ARAP1: variants seen among roughly 807,000 people sequenced by gnomAD.
The protein encoded by ARAP1 is arf-GAP with Rho-GAP domain, ANK repeat and PH domain-containing protein 1.
Under a neutral mutation model 172.2 loss-of-function variants are expected in ARAP1, and 76 were observed. That is an observed-to-expected ratio of 0.44 (90% CI 0.37 to 0.53). The LOEUF is 0.53. Ranked by LOEUF, ARAP1 falls within the 20% of genes least tolerant of loss-of-function variation. The pLI is 0.00. For missense variants in ARAP1, 1,686 were observed against 1,977.5 expected, an observed-to-expected ratio of 0.85 and a Z score of 2.80; for synonymous variants, 804 against 803.3, an observed-to-expected ratio of 1.00 and a Z score of -0.01.
chr11:72,723,612 C>T (rs537521383), intron 3 of ARAP1, among the ~76,000 whole-genome samples: 9 of 152,286 alleles, frequency 5.9e-5, no homozygotes, highest in African/African-American at 1.4e-4. Context: ...GGAGCTGGGG[C>T]GGTGAGCTCA....
Position 72,712,558 on chromosome 11 carries a change from G to C in ARAP1, c.758C>G (p.Pro253Arg). 1.2e-6 allele frequency: 2 copies of C among 1,612,646 alleles called. No individual in the cohort carries two copies. The highest frequency in any genetic ancestry group is 1.7e-6 in the Non-Finnish European group (2 of 1,179,892). The change falls in exon 6 of 35, where the codon CCA (proline) becomes CGA (arginine). Residue 253 changes from proline to arginine, a missense_variant. Physicochemically the swap from Pro to Arg is moderately radical, Grantham distance 103. This residue lies in a region of ARAP1 where 155 missense variants were observed against 129.2 expected (regional missense o/e 1.20). Coordinates refer to ENST00000393609, the MANE Select transcript of ARAP1 (RefSeq NM_001040118.3). Reference sequence around the variant, plus strand: ...CACGGCCCGTGGGACTCGGCTCGGTGGGGGCTCCTCCTGCCCCCGAGACCC... The same window carrying C: ...CACGGCCCGTGGGACTCGGCTCGGTCGGGGCTCCTCCTGCCCCCGAGACCC... ...ARVMTKKEEPPPSRVPRAVRV... is the reference protein window; with the variant it reads ...ARVMTKKEEPRPSRVPRAVRV...
At position 72,711,204 on chromosome 11, in the gene ARAP1, C is replaced by A. The variant is rs969351806; in HGVS notation, c.1093-63G>T. The stretch of plus-strand genomic sequence containing the variant: ...ACCTCGCTGACTCCCCCAGCCTCAG[C>A]CAAAATGAAGTCTGCAGCCCTGTCT... On this transcript the variant is annotated intron_variant, in intron 8 of 34. Coordinates refer to ENST00000393609, the MANE Select transcript of ARAP1 (RefSeq NM_001040118.3). The A allele has an allele frequency of 4.6e-5, 74 of 1,598,246 alleles. No individual in the cohort carries two copies. In the African/African-American group the frequency reaches 5.9e-4, roughly 13 times the overall value.
chr11:72,699,235 T>A lies in ARAP1; in HGVS notation c.2439-128A>T. 1 of 1,377,170 alleles carries A rather than the reference T, an allele frequency of 7.3e-7. No individual in the cohort carries two copies. The highest frequency in any genetic ancestry group is 1.0e-6 in the Non-Finnish European group (1 of 997,662). 85.3% of individuals were successfully genotyped at this position (1,377,170 alleles called of 1,614,324 possible). On this transcript the variant is annotated intron_variant, in intron 17 of 34. Coordinates refer to ENST00000393609, the MANE Select transcript of ARAP1 (RefSeq NM_001040118.3). The surrounding 1 kb of genome is among the most constrained non-coding windows in gnomAD (Gnocchi z 4.2). The stretch of plus-strand genomic sequence containing the variant: ...GGCGCTTGTCCTTATTCTGGTCCCC[T>A]AAGAGGTGGTGGAAAAGTCTTGGGC...
Position 72,693,773 on chromosome 11 carries a change from G to A in ARAP1, c.3727C>T (p.Pro1243Ser). The change falls in exon 28 of 35, where the codon CCC becomes TCC. Residue 1243 changes from proline to serine, a missense_variant. Coordinates refer to ENST00000393609, the MANE Select transcript of ARAP1 (RefSeq NM_001040118.3). The surrounding 1 kb of genome is among the most constrained non-coding windows in gnomAD (Gnocchi z 4.6). ...TCCGTGCCCAGCCCGTGCAGGATGG[G>A]CAGCACCTTCTCCGCAAAGTGCAGG... ...RPLHFAEKVL[P>S]ILHGLGTDSH... 1 of 1,608,918 alleles carries A rather than the reference G, an allele frequency of 6.2e-7. No homozygotes were observed. Among genetic ancestry groups the A allele is most frequent in the Non-Finnish European group, 8.5e-7 (1 of 1,177,786 alleles).
rs1410984231 is a variant in ARAP1, at chr11:72,695,596, C to T, written c.3453G>A (p.Glu1151=). ...VDEEELRKQR[E]EITAIVKMRV... ...GCATCTTCACAATGGCAGTGATCTC[C>T]TCCCGCTGCTTCCTGAGCTCTTCCT... The change falls in exon 25 of 35, where the codon GAG becomes GAA. Residue 1151 remains glutamate (E), a synonymous_variant. Transcript: ENST00000393609. This position sits in a 1 kb window ranked among gnomAD's most constrained non-coding sequence, Gnocchi z 4.4. The T allele has an allele frequency of 6.2e-7, 1 of 1,614,024 alleles. No homozygotes were observed. Among genetic ancestry groups the T allele is most frequent in the African/African-American group, 1.3e-5 (1 of 74,938 alleles).
chr11:72,704,771 G>C (rs1402721151), intron 13 of ARAP1: 1 of 173,772 alleles, frequency 5.8e-6, no homozygotes, highest in African/African-American at 2.4e-5. Flanking sequence ...GAGGGATGGG[G>C]GTGGATTCTG....
intron 3 of ARAP1, among the ~76,000 whole-genome samples, chr11:72,718,393 ATGTCACCCACTGACT>A (rs1011485574): frequency 1.3e-5 from 2 of 151,938 alleles, no homozygotes; most frequent in African/African-American, 2.4e-5. Context: ...CCCGGCTTGG[ATGTCACCCACTGACT>A]TGTCACCCAC....
Position 72,732,583 on chromosome 11 carries a change from G to A in ARAP1, c.-113C>T, listed in dbSNP as rs945911905. The A allele has an allele frequency of 6.6e-6, 1 of 152,296 alleles. No individual in the cohort carries two copies. The highest frequency in any genetic ancestry group is 1.5e-5 in the Non-Finnish European group (1 of 68,092). The allele number at this position is 152,296 out of a possible 1,614,324, so 9.4% of individuals were successfully genotyped here. On this transcript the variant is annotated 5_prime_UTR_variant, in exon 2 of 35. Transcript: ENST00000393609. ...GCTATTCTGAAGGGCTCCTCATCTC[G>A]GCCTGAGGCGGGAGCTGCAAGGACA... is the stretch of plus-strand genomic sequence containing the variant.
rs189745190 is a variant in ARAP1 at position 72,695,056 on chromosome 11, G to T, written c.3618C>A (p.Ile1206=). 17 of 1,614,000 alleles carry T rather than the reference G, an allele frequency of 1.1e-5. No homozygotes were observed. Among genetic ancestry groups the T allele is most frequent in the Non-Finnish European group, 1.4e-5 (16 of 1,180,034 alleles). The part of the protein sequence containing the change: ...SMTAEELTLE[I]LDRRNVGIRE... ...TGATGCCCACGTTCCGGCGATCCAG[G>T]ATCTCCAGGGTGAGCTCCTCAGCAG... is the stretch of plus-strand genomic sequence containing the variant. The change falls in exon 27 of 35, where the codon ATC becomes ATA. Residue 1206 remains isoleucine, a synonymous_variant. Transcript: ENST00000393609. This position sits in a 1 kb window ranked among gnomAD's most constrained non-coding sequence, Gnocchi z 4.4.
rs145351119 is a variant in ARAP1 at position 72,701,655 on chromosome 11, G to A, written c.2296C>T (p.Arg766Trp). 1.1e-4 allele frequency: 181 copies of A among 1,613,004 alleles called. No individual in the cohort carries two copies. In the African/African-American group the frequency reaches 1.9e-3, roughly 17 times the overall value. ...AGTCTGGGGTGGCACCCACCTTCCCGGGCCCGGCGGTCCTGTAGCAGCTTG... is the reference window on the plus strand; with the variant it reads ...AGTCTGGGGTGGCACCCACCTTCCCAGGCCCGGCGGTCCTGTAGCAGCTTG... The part of the protein sequence containing the change: ...AGKLLQDRRA[R>W]EEFSRRWCVL... Residue 766 changes from arginine (R) to tryptophan (W), a missense_variant, in exon 16 of 35, where the codon CGG becomes TGG. By Grantham distance (101) the Arg-to-Trp change is moderately radical (BLOSUM62 -3). Transcript: ENST00000393609.
At position 72,711,425 on chromosome 11, in the gene ARAP1, C is replaced by T. The variant is rs371057905; in HGVS notation, c.1092+5G>A. 16 of 1,611,930 alleles carry T rather than the reference C, an allele frequency of 9.9e-6. No homozygotes were observed. In the African/African-American group the frequency reaches 1.7e-4, roughly 17 times the overall value. ...GGGTCGCGTCAGGACTGATGCAGGC[C>T]TCACCTTGTTACTGTCAAAGTATCG... On this transcript the variant is annotated splice_donor_5th_base_variant and intron_variant, in intron 8 of 34. Coordinates refer to ENST00000393609, the MANE Select transcript of ARAP1 (RefSeq NM_001040118.3).
chr11:72,713,813 C>T (rs928474595), intron 4 of ARAP1, among the ~76,000 whole-genome samples: 56 of 149,708 alleles, frequency 3.7e-4, no homozygotes, highest in African/African-American at 1.3e-3. Context: ...CACCACTGCA[C>T]TCCAGCCTGG....
intron 30 of ARAP1, among the ~76,000 whole-genome samples, chr11:72,690,237 T>C (rs1234182753): frequency 2.0e-5 from 3 of 152,106 alleles, no homozygotes; most frequent in Non-Finnish European, 4.4e-5. Flanking sequence ...CAGAGGCAAC[T>C]GCAGGAATCA....
rs772215682 is a variant in ARAP1 at position 72,703,233 on chromosome 11, GAGA to G, written c.1993-157_1993-155del. On this transcript the variant is annotated intron_variant, in intron 14 of 34. Coordinates refer to ENST00000393609, the MANE Select transcript of ARAP1 (RefSeq NM_001040118.3). The stretch of plus-strand genomic sequence containing the variant: ...AAGAGAGAATAGGAAGGAAGAAAGA[GAGA>G]AGGAGAGGGAAGAGAGAGGCCAAGG... 195 of 811,396 alleles carry G rather than the reference GAGA, an allele frequency of 2.4e-4. No individual in the cohort carries two copies. The South Asian group carries it at 2.6e-3, about 11-fold the overall frequency. 50.3% of individuals were successfully genotyped at this position (811,396 alleles called of 1,614,324 possible). A position where few individuals can be genotyped will look rare whatever the true frequency, so the allele number is the denominator to read the frequency against.
At chr11:72,687,254 T>C (rs1855731411) in intron 33 of ARAP1, 185 bp downstream of exon 33, 7 of 742,404 alleles carry the variant, frequency 9.4e-6, no homozygotes, top group Non-Finnish European at 1.3e-5. Flanking sequence ...CATCCCTGGC[T>C]TGGGGCTGGA....
intron 7 of ARAP1, 62 bp downstream of exon 7, chr11:72,712,134 C>G: frequency 6.7e-7 from 1 of 1,499,774 alleles, no homozygotes; most frequent in East Asian, 2.3e-5. Context: ...GTCCTGGGGT[C>G]CTGGACACTG....
intron 1 of ARAP1, among the ~76,000 whole-genome samples, chr11:72,740,401 A>G (rs1287936730): frequency 6.6e-6 from 1 of 152,196 alleles, no homozygotes; most frequent in Non-Finnish European, 1.5e-5. Flanking sequence ...CAATCTTGAA[A>G]GACTTTCACT....
In ARAP1 at chr11:72,699,294, C is replaced by G. The variant is rs1236168099; in HGVS notation, c.2438+123G>C. ...CAAGAGACTGGAGTCGGCCCTTGTG[C>G]AGCCTCCGTTTGCTGTGTGACTCTG... On this transcript the variant is annotated intron_variant, in intron 17 of 34. Coordinates refer to ENST00000393609, the MANE Select transcript of ARAP1 (RefSeq NM_001040118.3). This position sits in a 1 kb window ranked among gnomAD's most constrained non-coding sequence, Gnocchi z 4.2. The G allele has an allele frequency of 3.4e-6, 5 of 1,487,330 alleles. No individual in the cohort carries two copies. The highest frequency in any genetic ancestry group is 4.6e-6 in the Non-Finnish European group (5 of 1,098,598). 92.1% of individuals were successfully genotyped at this position (1,487,330 alleles called of 1,614,324 possible). A position where few individuals can be genotyped will look rare whatever the true frequency, so the allele number is the denominator to read the frequency against.
chr11:72,747,887 G>T (rs143666447), intron 1 of ARAP1, among the ~76,000 whole-genome samples: 2 of 152,220 alleles, frequency 1.3e-5, no homozygotes, highest in Non-Finnish European at 2.9e-5. Context: ...CACCTGACCA[G>T]GTGGCCCTCT....
Sources: gnomAD v4.1 joint callset for allele counts (sites outside exome capture counted in the v4.1 genomes callset) on GRCh38, gnomAD v4.1.1 for gene constraint, gnomAD v4.1.1 regional missense constraint, Gnocchi (gnomAD v3.1) non-coding constraint, MANE v1.5 for transcripts, NCBI Gene and HGNC (gene_info 2026-07-23, HGNC 2026-07-21) for gene names.